TRPM3: variants seen among roughly 807,000 people sequenced by gnomAD.
TRPM3 encodes long transient receptor potential channel 3.
In TRPM3, 77 loss-of-function variants were observed where a neutral mutation model predicts 181.2. That is an observed-to-expected ratio of 0.42 (90% CI 0.35 to 0.51). TRPM3 has a LOEUF of 0.51. TRPM3 is among the 20% of genes least tolerant of loss of function. The pLI is 0.01. For missense variants in TRPM3, 1,759 were observed against 2,196.7 expected (o/e 0.80, Z 3.98); for synonymous variants, 745 against 796.4 (o/e 0.94, Z 1.09).
chr9:71,381,504 A>G (rs1233994601), intron 1 of TRPM3, among the ~76,000 whole-genome samples: 1 of 152,190 alleles, frequency 6.6e-6, no homozygotes, highest in African/African-American at 2.4e-5. Flanking sequence ...GCAATTGCCA[A>G]CTTCAAAGCT....
upstream of TRPM3, among the ~76,000 whole-genome samples, chr9:71,124,669 T>C (rs1197347565): frequency 1.3e-5 from 2 of 152,174 alleles, no homozygotes; most frequent in South Asian, 2.1e-4. Flanking sequence ...AAGGCGGCCA[T>C]TGTATAGCCC....
chr9:71,296,994 T>C lies in TRPM3; in HGVS notation c.183+149659A>G, dbSNP rs980927829. Reference sequence around the variant, plus strand: ...CATGGGATGTGAATCTTTTCTTTTTTTTTTTTTTTTTTTTTGAGATGAAGT... The same window carrying C: ...CATGGGATGTGAATCTTTTCTTTTTCTTTTTTTTTTTTTTTGAGATGAAGT... On this transcript the variant is annotated intron_variant, in intron 1 of 24. Coordinates refer to the TRPM3 transcript ENST00000357533. Among the ~76,000 whole-genome samples, 12 of 141,468 alleles carry C rather than the reference T, an allele frequency of 8.5e-5. No individual in the cohort carries two copies. The East Asian group carries it at 1.4e-3, about 16-fold the overall frequency. 92.8% of individuals were successfully genotyped at this position (141,468 alleles called of 152,430 possible).
At chr9:70,779,142 A>T (rs182001123) in intron 7 of TRPM3, among the ~76,000 whole-genome samples, 1 of 152,120 alleles carries the variant, frequency 6.6e-6, no homozygotes, top group Non-Finnish European at 1.5e-5. Context: ...GAAATCTATT[A>T]TCTATTCTCC....
chr9:70,883,512 T>C lies in TRPM3; in HGVS notation c.178-19001A>G, dbSNP rs2096031946. ...TGCTGTGTATAAGACAGAAATCAAG[T>C]GGCCTATGAAAGACTGAGAGCTTGA... is the stretch of plus-strand genomic sequence containing the variant. On this transcript the variant is annotated intron_variant, in intron 1 of 25. Coordinates refer to ENST00000677713, the MANE Select transcript of TRPM3 (RefSeq NM_001366145.2). 4.6e-5 allele frequency among the ~76,000 whole-genome samples: 7 copies of C among 152,202 alleles called. 1 individual carries two copies. In the South Asian group the frequency reaches 1.4e-3, roughly 31 times the overall value.
At chr9:71,393,324 A>G (rs1234677856) in intron 1 of TRPM3, among the ~76,000 whole-genome samples, 1 of 152,182 alleles carries the variant, frequency 6.6e-6, no homozygotes, top group Non-Finnish European at 1.5e-5. Flanking sequence ...GAAACATACT[A>G]TATGTTGAGA....
In TRPM3 at chr9:70,632,109, CATTA is replaced by C. The variant is rs921290326; in HGVS notation, c.1632+3098_1632+3101del. Among the ~76,000 whole-genome samples the C allele has an allele frequency of 3.7e-4, 57 of 152,244 alleles. 1 individual carries two copies. The highest frequency in any genetic ancestry group is 3.2e-3 in the Admixed American group (49 of 15,290). ...CCATAATTGTAAAGAAGAAAGCACACATTAATTATTATTATTTTCTTTAATTTTG... is the reference window on the plus strand; with the variant it reads ...CCATAATTGTAAAGAAGAAAGCACACATTATTATTATTTTCTTTAATTTTG... On this transcript the variant is annotated intron_variant, in intron 12 of 25. Transcript: ENST00000677713.
chr9:70,623,043 A>C (rs1428429363), intron 14 of TRPM3, among the ~76,000 whole-genome samples: 1 of 152,102 alleles, frequency 6.6e-6, no homozygotes, highest in South Asian at 2.1e-4. Context: ...AAATGCTTTC[A>C]GAATCAGAAA....
chr9:70,701,153 C>A (rs910465773), intron 8 of TRPM3, among the ~76,000 whole-genome samples: 1 of 152,160 alleles, frequency 6.6e-6, no homozygotes, highest in African/African-American at 2.4e-5. Flanking sequence ...CAAGTGAATT[C>A]TCTTGGATGA....
At chr9:71,048,610 G>A (rs755752290) in intron 1 of TRPM3, among the ~76,000 whole-genome samples, 21 of 152,082 alleles carry the variant, frequency 1.4e-4, no homozygotes, top group African/African-American at 4.1e-4. Context: ...TTATTGCTCC[G>A]GCCAGAAGGT....
Position 70,863,058 on chromosome 9 carries a change from G to A in TRPM3, c.312C>T (p.Ser104=), listed in dbSNP as rs368072135. ...GQHVGLTPSI[S]VLQNEKNESR... ...TTTCATTTTTCTCATTCTGAAGCACGGAGATACTGGGGGTGAGGCCAACAT... is the reference window on the plus strand; with the variant it reads ...TTTCATTTTTCTCATTCTGAAGCACAGAGATACTGGGGGTGAGGCCAACAT... Residue 104 remains serine, a synonymous_variant, in exon 3 of 26, where the codon TCC becomes TCT. Coordinates refer to ENST00000677713, the MANE Select transcript of TRPM3 (RefSeq NM_001366145.2). The A allele has an allele frequency of 4.8e-5, 78 of 1,613,452 alleles. No individual in the cohort carries two copies. Among genetic ancestry groups the A allele is most frequent in the South Asian group, 1.8e-4 (16 of 91,078 alleles).
chr9:71,029,657 C>A (rs923703617), intron 1 of TRPM3, among the ~76,000 whole-genome samples: 2 of 152,094 alleles, frequency 1.3e-5, no homozygotes, highest in African/African-American at 4.8e-5. Context: ...TACATATGTT[C>A]TTGAGAGTAG....
intron 1 of TRPM3, among the ~76,000 whole-genome samples, chr9:70,991,555 G>GTTTTT (rs56157123): frequency 0.01 from 1,257 of 124,440 alleles, 46 homozygotes; most frequent in Middle Eastern, 0.015. Context: ...CTATGTGTCT[G>GTTTTT]TTTTTTTTTT....
At chr9:71,219,214 G>A (rs2080088186) in intron 1 of TRPM3, among the ~76,000 whole-genome samples, 1 of 152,104 alleles carries the variant, frequency 6.6e-6, no homozygotes, top group South Asian at 2.1e-4. Flanking sequence ...GTTGGGAGAT[G>A]AGGGAAGGGC....
chr9:70,937,347 C>G (rs1589909146), intron 1 of TRPM3, among the ~76,000 whole-genome samples: 1 of 152,228 alleles, frequency 6.6e-6, no homozygotes, highest in Middle Eastern at 3.4e-3. Context: ...GGCAGTGTAC[C>G]ATCCATAAGT....
At chr9:70,912,126 C>G (rs1302812312) in intron 1 of TRPM3, among the ~76,000 whole-genome samples, 2 of 152,034 alleles carry the variant, frequency 1.3e-5, no homozygotes, top group African/African-American at 4.8e-5. Context: ...GTTTTGAAGA[C>G]AGTTTTGTGG....
rs1300094042 is a variant in TRPM3, at chr9:71,188,686, G to A, written c.183+257967C>T. 2.6e-5 allele frequency among the ~76,000 whole-genome samples: 4 copies of A among 151,770 alleles called. No individual in the cohort carries two copies. The East Asian group carries it at 7.7e-4, about 29-fold the overall frequency. On this transcript the variant is annotated intron_variant, in intron 1 of 24. Coordinates refer to the TRPM3 transcript ENST00000357533. ...CAGACCTCTCAGCACTGCCCTTCCA[G>A]ACACTCAAGTCTACCATGATCCAGA...
At chr9:71,007,093 G>GA (rs71507021) in intron 1 of TRPM3, among the ~76,000 whole-genome samples, 5,649 of 93,922 alleles carry the variant, frequency 0.06, 329 homozygotes, top group African/African-American at 0.19. Flanking sequence ...GTCAGGAACA[G>GA]AAAAAAAAAA....
chr9:70,541,019 C>T (rs1469340795), intron 25 of TRPM3, among the ~76,000 whole-genome samples: 5 of 152,194 alleles, frequency 3.3e-5, no homozygotes, highest in Non-Finnish European at 7.3e-5. Flanking sequence ...GGAGTCACTG[C>T]ACTCAGCATT....
At position 70,549,694 on chromosome 9, in the gene TRPM3, G is replaced by A. The variant is rs200288796; in HGVS notation, c.3575-20C>T. ...AGAGTTCTGTGGAAAAAAAAAAAAA[G>A]GAAGTCTTGAGGGAGAGAAGTAAAA... On this transcript the variant is annotated intron_variant, in intron 24 of 25. Transcript: ENST00000677713. 4.6e-5 allele frequency: 71 copies of A among 1,558,154 alleles called. No homozygotes were observed. Among genetic ancestry groups the A allele is most frequent in the Non-Finnish European group, 5.5e-5 (64 of 1,156,560 alleles).
Sources: allele counts gnomAD v4.1 joint callset (sites outside exome capture counted in the v4.1 genomes callset), GRCh38; gene constraint gnomAD v4.1.1; transcripts MANE v1.5; gene names NCBI Gene and HGNC (gene_info 2026-07-23, HGNC 2026-07-21).